Variants in PDE3B observed in about 807,000 individuals in gnomAD.
The protein encoded by PDE3B is cGMP-inhibited 3',5'-cyclic phosphodiesterase 3B.
Under a neutral mutation model 116.8 loss-of-function variants are expected in PDE3B, and 66 were observed. The ratio of observed to expected loss-of-function variants is 0.56; its 90% CI spans 0.46 to 0.69. The LOEUF (loss-of-function observed/expected upper bound fraction) is 0.69, where lower values mean the gene tolerates loss of function less well. PDE3B is among the 30% of genes least tolerant of loss of function. The probability of loss-of-function intolerance (pLI) is 0.00; values close to 1 mark genes in which losing one functional copy is unlikely to be tolerated. For synonymous variants in PDE3B, 595 were observed against 533.6 expected (o/e 1.12, Z -1.59); for missense variants, 1,384 against 1,368.1 (o/e 1.01, Z -0.18).
chr11:14,722,318 AAAAG>A (rs751333823), intron 1 of PDE3B, among the ~76,000 whole-genome samples: 2 of 152,342 alleles, frequency 1.3e-5, no homozygotes, highest in African/African-American at 4.8e-5. Context: ...AATTAAAAAA[AAAAG>A]AAAAGGGGAA....
intron 12 of PDE3B, among the ~76,000 whole-genome samples, chr11:14,846,931 T>C (rs1353868622): frequency 2.0e-5 from 3 of 152,088 alleles, no homozygotes; most frequent in Non-Finnish European, 4.4e-5. Flanking sequence ...GACAGATCAA[T>C]GAGACAGAAA....
chr11:14,809,488 A>G (rs1392539486), intron 5 of PDE3B, among the ~76,000 whole-genome samples: 1 of 152,260 alleles, frequency 6.6e-6, no homozygotes, highest in African/African-American at 2.4e-5. Flanking sequence ...AAAGACTACA[A>G]ATTGTACAAA....
intron 1 of PDE3B, among the ~76,000 whole-genome samples, chr11:14,647,757 A>G (rs190306123): frequency 1.3e-5 from 2 of 152,110 alleles, no homozygotes; most frequent in East Asian, 3.9e-4. Flanking sequence ...CTATCAATAG[A>G]AATGTTTTTA....
chr11:14,867,700 T>G lies in PDE3B; in HGVS notation c.3081T>G (p.Asp1027Glu). Residue 1027 changes from aspartate to glutamate, a missense_variant, in exon 15 of 16, where the codon GAT (aspartate) becomes GAG (glutamate). Around this residue, in one of 2 missense-constraint regions of PDE3B, gnomAD observed 428 missense variants for 561.4 expected, o/e 0.76. Coordinates refer to ENST00000282096, the MANE Select transcript of PDE3B (RefSeq NM_000922.4). ...ATAATGATACTGAAAGTGGTGATGA[T>G]GAAGACGGTGAAGAATTAGATACAG... ...EEDNDTESGD[D>E]EDGEELDTED... is the part of the protein sequence containing the mutation. 6.2e-7 allele frequency: 1 copy of G among 1,613,214 alleles called. No individual in the cohort carries two copies. Among genetic ancestry groups the G allele is most frequent in the Non-Finnish European group, 8.5e-7 (1 of 1,179,214 alleles).
intron 1 of PDE3B, among the ~76,000 whole-genome samples, chr11:14,759,741 G>T (rs915158696): frequency 1.5e-4 from 23 of 151,978 alleles, no homozygotes; most frequent in African/African-American, 4.6e-4. Flanking sequence ...TAGATACAGG[G>T]TTTCACCATG....
At chr11:14,658,574 C>CT (rs1853788905) in intron 1 of PDE3B, among the ~76,000 whole-genome samples, 1 of 152,134 alleles carries the variant, frequency 6.6e-6, no homozygotes, top group South Asian at 2.1e-4. Flanking sequence ...CCAGGCTGGT[C>CT]TTGAACTCTT....
At chr11:14,708,015 A>G (rs1364659004) in intron 1 of PDE3B, among the ~76,000 whole-genome samples, 1 of 152,044 alleles carries the variant, frequency 6.6e-6, no homozygotes, top group African/African-American at 2.4e-5. Flanking sequence ...CTTGGTTGCA[A>G]TGGTTTGGAT....
chr11:14,715,952 G>A (rs919257243), intron 1 of PDE3B, among the ~76,000 whole-genome samples: 4 of 152,306 alleles, frequency 2.6e-5, no homozygotes, highest in Admixed American at 2.0e-4. Flanking sequence ...CCGGTCTACA[G>A]CTCCCAGCGT....
chr11:14,740,490 C>G (rs1388842796), intron 1 of PDE3B, among the ~76,000 whole-genome samples: 1 of 152,116 alleles, frequency 6.6e-6, no homozygotes, highest in Non-Finnish European at 1.5e-5. Context: ...ATTCTTCTCT[C>G]TTTTCATCTT....
At chr11:14,790,436 A>G (rs1216479246) in intron 4 of PDE3B, among the ~76,000 whole-genome samples, 2 of 151,770 alleles carry the variant, frequency 1.3e-5, no homozygotes, top group African/African-American at 4.8e-5. Flanking sequence ...TCTTGAGAAT[A>G]TAGTTGGGTT....
chr11:14,718,673 T>A (rs1458820746), intron 1 of PDE3B, among the ~76,000 whole-genome samples: 36 of 146,246 alleles, frequency 2.5e-4, no homozygotes, highest in African/African-American at 3.6e-4. Context: ...GAATGACTAC[T>A]GGGTACATAA....
At chr11:14,653,644 A>G (rs540820742) in intron 1 of PDE3B, among the ~76,000 whole-genome samples, 1 of 152,260 alleles carries the variant, frequency 6.6e-6, no homozygotes, top group South Asian at 2.1e-4. Context: ...AAACACGTTT[A>G]TTATGATGAA....
chr11:14,847,003 A>C (rs1360553035), intron 12 of PDE3B, among the ~76,000 whole-genome samples: 1 of 152,220 alleles, frequency 6.6e-6, no homozygotes, highest in African/African-American at 2.4e-5. Flanking sequence ...ATAGACATCT[A>C]CAGAACTCTC....
chr11:14,876,197 G>A (rs1345556528), downstream of PDE3B, among the ~76,000 whole-genome samples: 2 of 152,104 alleles, frequency 1.3e-5, no homozygotes, highest in African/African-American at 4.8e-5. Flanking sequence ...AGACTAAGGA[G>A]CAACTTGAAT....
At chr11:14,768,291 G>A (rs563552775) in intron 1 of PDE3B, among the ~76,000 whole-genome samples, 1 of 151,484 alleles carries the variant, frequency 6.6e-6, no homozygotes, top group South Asian at 2.1e-4. Flanking sequence ...ACCATTACTG[G>A]TGTTTTTGAA....
the PDE3B span, chr11:14,892,206 C>A: frequency 6.2e-7 from 1 of 1,609,338 alleles, no homozygotes; most frequent in Admixed American, 1.7e-5. Context: ...GCTTCCACAT[C>A]GGCCCGAGCT....
In PDE3B at chr11:14,754,312, TAAAC is replaced by T. The variant is rs1163305170; in HGVS notation, c.979-17621_979-17618del. On this transcript the variant is annotated intron_variant, in intron 1 of 15. Coordinates refer to ENST00000282096, the MANE Select transcript of PDE3B (RefSeq NM_000922.4). ...TCACTGTTCCTTAACTCTATATAAA[TAAAC>T]AAATCAAGAGAACTCATTATTATTA... 3.9e-5 allele frequency among the ~76,000 whole-genome samples: 6 copies of T among 152,184 alleles called. No individual in the cohort carries two copies. The East Asian group carries it at 5.8e-4, about 15-fold the overall frequency.
intron 1 of PDE3B, among the ~76,000 whole-genome samples, chr11:14,756,959 C>A (rs1222652974): frequency 7.5e-5 from 9 of 120,226 alleles, no homozygotes; most frequent in Non-Finnish European, 1.5e-4. Context: ...CCCCTCCCCC[C>A]ACCCCACCAC....
intron 7 of PDE3B, among the ~76,000 whole-genome samples, chr11:14,826,045 A>G (rs561588680): frequency 7.9e-5 from 12 of 152,364 alleles, no homozygotes; most frequent in African/African-American, 9.6e-5. Context: ...AAATTAAGGC[A>G]GAAATCAAGA....
Sources: allele counts gnomAD v4.1 joint callset (sites outside exome capture counted in the v4.1 genomes callset), GRCh38; gene constraint gnomAD v4.1.1; regional missense constraint gnomAD v4.1.1; transcripts MANE v1.5; gene names NCBI Gene and HGNC (gene_info 2026-07-23, HGNC 2026-07-21).